TBXAS1: variants seen among roughly 807,000 people sequenced by gnomAD.
TBXAS1 encodes the protein thromboxane A synthase 1.
Under a neutral mutation model 60.7 loss-of-function variants are expected in TBXAS1, and 48 were observed. That is an observed-to-expected ratio of 0.79 (90% CI 0.63 to 1.01). TBXAS1 has a LOEUF of 1.01. TBXAS1 is among the 50% of genes least tolerant of loss of function. TBXAS1 has a pLI of 0.00. For synonymous variants in TBXAS1, 287 were observed against 269.7 expected (o/e 1.06, Z -0.63); for missense variants, 685 against 686.3 (o/e 1.00, Z 0.02).
At chr7:139,840,236 G>A (rs1799345204) in intron 1 of TBXAS1, among the ~76,000 whole-genome samples, 1 of 152,110 alleles carries the variant, frequency 6.6e-6, no homozygotes, top group Non-Finnish European at 1.5e-5. Flanking sequence ...GGCACCATTG[G>A]GATGGAATAT....
chr7:139,826,973 C>A (rs192394102), upstream of TBXAS1, among the ~76,000 whole-genome samples: 3 of 152,266 alleles, frequency 2.0e-5, no homozygotes, highest in East Asian at 5.8e-4. Flanking sequence ...AGTTTGGAAC[C>A]TGAGGGTCAG....
intron 9 of TBXAS1, among the ~76,000 whole-genome samples, chr7:139,993,892 C>CTTTTTTTTTTTTTTTT (rs71170931): frequency 1.8e-5 from 2 of 111,708 alleles, no homozygotes; most frequent in Non-Finnish European, 3.5e-5. Context: ...TTCTTTCTTT[C>CTTTTTTTTTTTTTTTT]TTTTTTTTTT....
chr7:139,825,886 C>G (rs1798423564), upstream of TBXAS1, among the ~76,000 whole-genome samples: 1 of 152,210 alleles, frequency 6.6e-6, no homozygotes, highest in African/African-American at 2.4e-5. Flanking sequence ...AAATGCAGCT[C>G]TCTGCATCGT....
At chr7:140,016,662 GTTCA>G (rs1042534641) in intron 11 of TBXAS1, 2 of 160,220 alleles carry the variant, frequency 1.2e-5, no homozygotes, top group Non-Finnish European at 2.7e-5. Context: ...CCTGGCTTTG[GTTCA>G]TTGTCTCCTT....
rs143225566 is a variant in TBXAS1, at chr7:139,937,949, C to G, written c.450+1642C>G. 6.8e-3 allele frequency among the ~76,000 whole-genome samples: 1,027 copies of G among 152,094 alleles called. 13 individuals are homozygous for G. Among genetic ancestry groups the G allele is most frequent in the African/African-American group, 0.024 (979 of 41,468 alleles). On this transcript the variant is annotated intron_variant, in intron 5 of 12. Coordinates refer to ENST00000448866, the MANE Select transcript of TBXAS1 (RefSeq NM_001061.7). ...CTGGGGGGTGGGGGAGGGTCAGAAG[C>G]AAAACTTCTCTATTTTCTGCCTAAG...
At chr7:139,921,402 G>C (rs1157190668) in intron 4 of TBXAS1, among the ~76,000 whole-genome samples, 1 of 152,124 alleles carries the variant, frequency 6.6e-6, no homozygotes. Flanking sequence ...TCCATACCAC[G>C]TATTTAGATT....
At chr7:139,972,551 A>G (rs1811282364) in intron 9 of TBXAS1, among the ~76,000 whole-genome samples, 1 of 152,034 alleles carries the variant, frequency 6.6e-6, no homozygotes, top group Admixed American at 6.5e-5. Context: ...GAATAAACAT[A>G]CTTTTTTTTT....
chr7:140,016,184 T>C lies in TBXAS1; in HGVS notation c.1364+324T>C, dbSNP rs189227281. On this transcript the variant is annotated intron_variant, in intron 11 of 12. Coordinates refer to ENST00000448866, the MANE Select transcript of TBXAS1 (RefSeq NM_001061.7). ...TCTACTAAAAATACAAAAACTTAGC[T>C]GGGCGTGGTGGCGGGCGCCTGTAGT... Among the ~76,000 whole-genome samples, 131 of 151,806 alleles carry C rather than the reference T, an allele frequency of 8.6e-4. No homozygotes were observed. The East Asian group carries it at 0.011, about 13-fold the overall frequency.
chr7:139,788,841 G>A (rs777131648), intron 4 of TBXAS1, among the ~76,000 whole-genome samples: 5 of 152,322 alleles, frequency 3.3e-5, no homozygotes, highest in Middle Eastern at 6.8e-3. Context: ...CAAATAGATC[G>A]GGCCTGGACT....
At chr7:139,859,216 TTTTG>T (rs1422001237) in intron 1 of TBXAS1, among the ~76,000 whole-genome samples, 2 of 148,432 alleles carry the variant, frequency 1.3e-5, no homozygotes, top group African/African-American at 5.0e-5. Context: ...TTTTTTTTTT[TTTTG>T]AGACGGAGTC....
intron 4 of TBXAS1, among the ~76,000 whole-genome samples, chr7:139,805,712 T>TTC (rs1554466260): frequency 0.073 from 3,232 of 44,106 alleles, 114 homozygotes; most frequent in Non-Finnish European, 0.092. Context: ...CTTTCTTTCT[T>TTC]TCTCTCTCTC....
At chr7:140,000,553 A>G (rs1292742668) in intron 9 of TBXAS1, among the ~76,000 whole-genome samples, 1 of 152,218 alleles carries the variant, frequency 6.6e-6, no homozygotes, top group Non-Finnish European at 1.5e-5. Context: ...TGGAAAGACT[A>G]AGAGACCAAG....
intron 9 of TBXAS1, among the ~76,000 whole-genome samples, chr7:139,979,544 C>T (rs570662621): frequency 2.5e-4 from 38 of 151,600 alleles, no homozygotes; most frequent in South Asian, 2.3e-3. Flanking sequence ...CTGACCAATA[C>T]GGTGAAACCC....
intron 4 of TBXAS1, among the ~76,000 whole-genome samples, chr7:139,805,660 CTCTTTCTTTCTTTCTTTCTTTCTTTCTT>C (rs755258646): frequency 9.9e-5 from 10 of 101,430 alleles, no homozygotes; most frequent in Non-Finnish European, 1.7e-4. Flanking sequence ...CCTTCTTTTT[CTCTTTCTTTCTTTCTTTCTTTCTTTCTT>C]TCTTTCTTTC....
chr7:139,794,280 AGTAGAGATGAGGTTTCACCAT>A (rs1316567452), intron 4 of TBXAS1, among the ~76,000 whole-genome samples: 1 of 152,008 alleles, frequency 6.6e-6, no homozygotes, highest in Non-Finnish European at 1.5e-5. Flanking sequence ...TTGTATTTTC[AGTAGAGATGAGGTTTCACCAT>A]GTTGGCCAGG....
intron 3 of TBXAS1, among the ~76,000 whole-genome samples, chr7:139,906,865 T>C (rs762054674): frequency 2.0e-5 from 3 of 152,224 alleles, no homozygotes; most frequent in African/African-American, 4.8e-5. Context: ...AGAAATGCTA[T>C]TGACTTTTTT....
Position 139,955,405 on chromosome 7 carries a change from G to A in TBXAS1, c.540-54G>A, listed in dbSNP as rs534889610. On this transcript the variant is annotated intron_variant, in intron 6 of 12. Transcript: ENST00000448866. ...CCCTCCTCCTCTGGAGGGGGCCATTGTGGGTAGCCCCTGCCAGAGTCCTTT... is the reference window on the plus strand; with the variant it reads ...CCCTCCTCCTCTGGAGGGGGCCATTATGGGTAGCCCCTGCCAGAGTCCTTT... The A allele has an allele frequency of 5.4e-4, 877 of 1,612,056 alleles. 5 individuals carry two copies. The highest frequency in any genetic ancestry group is 3.9e-5 in the Non-Finnish European group (46 of 1,178,678).
At chr7:139,816,221 A>G (rs926620367) in intron 4 of TBXAS1, among the ~76,000 whole-genome samples, 5 of 152,188 alleles carry the variant, frequency 3.3e-5, no homozygotes, top group Non-Finnish European at 7.3e-5. Context: ...AGAACTGTGA[A>G]TTAATTGAAT....
At chr7:139,843,676 C>T (rs1485400150) in intron 1 of TBXAS1, among the ~76,000 whole-genome samples, 1 of 152,224 alleles carries the variant, frequency 6.6e-6, no homozygotes, top group Non-Finnish European at 1.5e-5. Context: ...TGTGACCTAT[C>T]TTCTTGGCTT....
Sources: allele counts gnomAD v4.1 joint callset (sites outside exome capture counted in the v4.1 genomes callset), GRCh38; gene constraint gnomAD v4.1.1; transcripts MANE v1.5; gene names NCBI Gene and HGNC (gene_info 2026-07-23, HGNC 2026-07-21).